ROBO2: variants seen among roughly 807,000 people sequenced by gnomAD.
The protein encoded by ROBO2 is roundabout guidance receptor 2.
ROBO2 carries 53 observed loss-of-function variants against 160.8 expected under a neutral mutation model. The ratio of observed to expected loss-of-function variants is 0.33; its 90% CI spans 0.26 to 0.41. The LOEUF (loss-of-function observed/expected upper bound fraction) is 0.41. ROBO2 is among the 10% of genes least tolerant of loss of function. The pLI, the probability that ROBO2 is intolerant of heterozygous loss-of-function variation, is 1.00. For synonymous variants in ROBO2, 664 were observed against 611.7 expected (o/e 1.09, Z -1.26); for missense variants, 1,577 against 1,722.4 (o/e 0.92, Z 1.49).
rs778762537 is a variant in ROBO2, at chr3:77,239,144, G to T, written c.388+140804G>T. The stretch of plus-strand genomic sequence containing the variant: ...CAAGAATGAAGCCACGGACCCTCAC[G>T]GTGAGTGTTACAGTTCTTAAAGGTG... On this transcript the variant is annotated intron_variant, in intron 2 of 25. Transcript: ENST00000461745. 2.6e-5 allele frequency among the ~76,000 whole-genome samples: 4 copies of T among 152,072 alleles called. No individual in the cohort carries two copies. The South Asian group carries it at 8.3e-4, about 31-fold the overall frequency.
chr3:77,352,466 T>A (rs1367445010), intron 2 of ROBO2, among the ~76,000 whole-genome samples: 1 of 151,164 alleles, frequency 6.6e-6, no homozygotes, highest in East Asian at 1.9e-4. Flanking sequence ...AAAACAGCGA[T>A]ATTTTTTTTT....
intron 2 of ROBO2, among the ~76,000 whole-genome samples, chr3:76,894,100 T>C (rs1253697363): frequency 6.6e-6 from 1 of 152,122 alleles, no homozygotes; most frequent in Non-Finnish European, 1.5e-5. Flanking sequence ...GTCTGTACTT[T>C]GTTATTCAGG....
At chr3:76,165,904 T>C (rs531322182) in intron 2 of ROBO2, among the ~76,000 whole-genome samples, 1 of 152,242 alleles carries the variant, frequency 6.6e-6, no homozygotes, top group African/African-American at 2.4e-5. Context: ...AAGTTTTCAG[T>C]GGAATAGTTA....
chr3:77,388,926 C>G (rs1387083729), intron 2 of ROBO2, among the ~76,000 whole-genome samples: 2 of 152,084 alleles, frequency 1.3e-5, no homozygotes, highest in African/African-American at 2.4e-5. Flanking sequence ...AGGGGTTTTT[C>G]TGATTTATTT....
intron 2 of ROBO2, among the ~76,000 whole-genome samples, chr3:76,919,944 A>G (rs1170209418): frequency 6.6e-6 from 1 of 152,202 alleles, no homozygotes; most frequent in African/African-American, 2.4e-5. Flanking sequence ...AAATCTTCCC[A>G]TGCACCTATT....
intron 2 of ROBO2, among the ~76,000 whole-genome samples, chr3:76,905,345 C>T (rs1434455182): frequency 6.6e-6 from 1 of 151,724 alleles, no homozygotes; most frequent in African/African-American, 2.4e-5. Flanking sequence ...AGGGGGCACA[C>T]AAGAGAAAAA....
At chr3:77,501,687 A>G (rs2087634253) in intron 5 of ROBO2, among the ~76,000 whole-genome samples, 1 of 152,160 alleles carries the variant, frequency 6.6e-6, no homozygotes, top group African/African-American at 2.4e-5. Flanking sequence ...TTAGAGAATC[A>G]CGGCAATATT....
chr3:75,939,715 A>G (rs80196579), intron 2 of ROBO2, among the ~76,000 whole-genome samples: 2 of 151,960 alleles, frequency 1.3e-5, no homozygotes, highest in Admixed American at 6.6e-5. Context: ...CCCAAGCTGC[A>G]TATCATCATT....
chr3:76,236,428 A>G (rs890661799), intron 2 of ROBO2, among the ~76,000 whole-genome samples: 2 of 152,160 alleles, frequency 1.3e-5, no homozygotes, highest in African/African-American at 2.4e-5. Context: ...TTGAGGGTCA[A>G]TTTTTACACA....
At chr3:76,224,429 C>T (rs1158224545) in intron 2 of ROBO2, among the ~76,000 whole-genome samples, 1 of 152,140 alleles carries the variant, frequency 6.6e-6, no homozygotes, top group African/African-American at 2.4e-5. Context: ...GCTGTCCCAG[C>T]TCAAGAAGAT....
intron 2 of ROBO2, among the ~76,000 whole-genome samples, chr3:76,098,163 G>A (rs1017119129): frequency 1.3e-5 from 2 of 152,212 alleles, no homozygotes; most frequent in East Asian, 1.9e-4. Flanking sequence ...AATATTCAGG[G>A]TTGAGAGGAA....
intron 2 of ROBO2, among the ~76,000 whole-genome samples, chr3:77,346,358 A>G (rs2153454792): frequency 6.6e-6 from 1 of 152,300 alleles, no homozygotes; most frequent in East Asian, 1.9e-4. Flanking sequence ...TACTAATAAT[A>G]GAATGGCATA....
At chr3:76,288,635 C>T (rs922514468) in intron 2 of ROBO2, among the ~76,000 whole-genome samples, 1 of 152,146 alleles carries the variant, frequency 6.6e-6, no homozygotes, top group African/African-American at 2.4e-5. Context: ...TCTTCGCTCT[C>T]ATCCCATTCT....
At chr3:77,534,205 G>A (rs903206342) in intron 6 of ROBO2, among the ~76,000 whole-genome samples, 8 of 151,828 alleles carry the variant, frequency 5.3e-5, no homozygotes, top group Non-Finnish European at 7.4e-5. Context: ...CATTTCTTTT[G>A]TTGTACTCAA....
At chr3:76,897,039 A>G (rs991798004) in intron 2 of ROBO2, among the ~76,000 whole-genome samples, 1 of 152,154 alleles carries the variant, frequency 6.6e-6, no homozygotes, top group African/African-American at 2.4e-5. Flanking sequence ...CTCTACCTCT[A>G]GAGTCCATTC....
intron 1 of ROBO2, among the ~76,000 whole-genome samples, chr3:77,082,855 A>G (rs1457886193): frequency 6.6e-6 from 1 of 151,964 alleles, no homozygotes; most frequent in African/African-American, 2.4e-5. Flanking sequence ...CAGAGATTAA[A>G]TTGAGGCCCC....
chr3:77,282,828 G>A (rs1251541529), intron 2 of ROBO2, among the ~76,000 whole-genome samples: 1 of 151,810 alleles, frequency 6.6e-6, no homozygotes, highest in Admixed American at 6.6e-5. Context: ...AATCTGCAAT[G>A]AGATTATTAT....
intron 2 of ROBO2, among the ~76,000 whole-genome samples, chr3:77,200,263 T>TA (rs1425582536): frequency 2.7e-4 from 20 of 74,744 alleles, no homozygotes; most frequent in Non-Finnish European, 4.9e-4. Context: ...CTAACTAACA[T>TA]ATTTTATATA....
At chr3:76,390,270 C>T (rs778544956) in intron 2 of ROBO2, among the ~76,000 whole-genome samples, 19 of 151,998 alleles carry the variant, frequency 1.3e-4, no homozygotes, top group Admixed American at 6.6e-4. Context: ...ATTGTTTTTA[C>T]AATACTGAGT....
Sources: allele counts gnomAD v4.1 joint callset (sites outside exome capture counted in the v4.1 genomes callset), GRCh38; gene constraint gnomAD v4.1.1; transcripts MANE v1.5; gene names NCBI Gene and HGNC (gene_info 2026-07-23, HGNC 2026-07-21).